The following CLPTM1 variants were observed in gnomAD, a reference collection of about 807,000 sequenced individuals.
CLPTM1 encodes putative lipid scramblase CLPTM1.
CLPTM1 carries 21 observed loss-of-function variants against 77.3 expected under a neutral mutation model. The observed-to-expected ratio is 0.27, with a 90% CI of 0.19 to 0.39. The LOEUF (loss-of-function observed/expected upper bound fraction) is 0.39. CLPTM1 is among the 10% of genes least tolerant of loss of function. CLPTM1 has a pLI of 1.00. For missense variants in CLPTM1, 642 were observed against 921.2 expected, an observed-to-expected ratio of 0.70 and a Z score of 3.92; for synonymous variants, 373 against 381.0, an observed-to-expected ratio of 0.98 and a Z score of 0.24.
rs10415096 is a variant in CLPTM1 at position 44,979,340 on chromosome 19, A to C, written c.586+1880A>C. On this transcript the variant is annotated intron_variant, in intron 5 of 13. Coordinates refer to ENST00000337392, the MANE Select transcript of CLPTM1 (RefSeq NM_001294.4). ...CTGTCTCCTGATGGGCAGCCGTAGA[A>C]ATCTCTTGCTGTACCTGTTTGAGCG... Among the ~76,000 whole-genome samples, 1,047 of 152,052 alleles carry C rather than the reference A, an allele frequency of 6.9e-3. 12 individuals are homozygous for C. Among genetic ancestry groups the C allele is most frequent in the African/African-American group, 0.024 (1,002 of 41,488 alleles).
intron 1 of CLPTM1, chr19:44,955,798 T>A: frequency 3.6e-6 from 1 of 278,286 alleles, no homozygotes; most frequent in South Asian, 1.7e-4. Context: ...CTGAGGCCGT[T>A]CCTAGAGTGG....
chr19:44,954,795 CG>C, upstream of CLPTM1: 2 of 1,279,312 alleles, frequency 1.6e-6, no homozygotes, highest in South Asian at 1.6e-5. Context: ...GTTTGTTGGC[CG>C]TAAGACCCCT....
chr19:44,973,716 C>T (rs933739933), intron 3 of CLPTM1, among the ~76,000 whole-genome samples: 8 of 147,792 alleles, frequency 5.4e-5, no homozygotes, highest in Non-Finnish European at 1.2e-4. Flanking sequence ...CAAACATGGC[C>T]ATTGGGGCTT....
intron 2 of CLPTM1, among the ~76,000 whole-genome samples, chr19:44,964,336 C>T (rs1970594101): frequency 2.5e-5 from 2 of 79,640 alleles, no homozygotes; most frequent in Admixed American, 4.3e-4. Flanking sequence ...TTTGAGACAG[C>T]GTCTCACTTT....
chr19:44,991,294 C>T lies in CLPTM1; in HGVS notation c.1476C>T (p.Val492=). 6.2e-7 allele frequency: 1 copy of T among 1,614,092 alleles called. No individual in the cohort carries two copies. The highest frequency in any genetic ancestry group is 8.5e-7 in the Non-Finnish European group (1 of 1,179,974). Residue 492 remains valine (V), a synonymous_variant, in exon 12 of 14, where the codon GTC becomes GTT. Transcript: ENST00000337392. The surrounding 1 kb of genome is among the most constrained non-coding windows in gnomAD (Gnocchi z 5.4). The stretch of plus-strand genomic sequence containing the variant: ...TCCCGCTCCTGGGCTGCTATGCCGT[C>T]TACAGTCTTCTGTACCTGGAGCACA... The part of the protein sequence containing the change: ...ILFPLLGCYA[V]YSLLYLEHKG...
Position 44,992,687 on chromosome 19 carries a change from G to A in CLPTM1, c.1800G>A (p.Met600Ile), listed in dbSNP as rs1359506612. Residue 600 changes from methionine (M) to isoleucine (I), a missense_variant, in exon 14 of 14, where the codon ATG (methionine) becomes ATA (isoleucine). This residue lies in a region of CLPTM1 where 521 missense variants were observed against 800.4 expected (regional missense o/e 0.65). Transcript: ENST00000337392. The surrounding 1 kb of genome is among the most constrained non-coding windows in gnomAD (Gnocchi z 7.7). ...VDPTRVNEFG[M>I]SGEDPTAAAP... Reference sequence around the variant, plus strand: ...CCACCCGAGTCAACGAGTTTGGCATGAGTGGAGAAGACCCCACAGCTGCCG... The same window carrying A: ...CCACCCGAGTCAACGAGTTTGGCATAAGTGGAGAAGACCCCACAGCTGCCG... 2 of 1,613,716 alleles carry A rather than the reference G, an allele frequency of 1.2e-6. No homozygotes were observed. Among genetic ancestry groups the A allele is most frequent in the African/African-American group, 1.3e-5 (1 of 74,898 alleles).
At position 44,990,852 on chromosome 19, in the gene CLPTM1, G is replaced by A; in HGVS notation, c.1326G>A (p.Leu442=). The change falls in exon 11 of 14, where the codon CTG becomes CTA. Residue 442 remains leucine (L), a splice_region_variant and synonymous_variant. Transcript: ENST00000337392. The surrounding 1 kb of genome is among the most constrained non-coding windows in gnomAD (Gnocchi z 4.8). ...WKITKVMDVR[L]DREHRVAGIF... The stretch of plus-strand genomic sequence containing the variant: ...CATGGCACCCACCTCATCCACAGCT[G>A]GACCGAGAGCACAGGGTGGCAGGAA... The A allele has an allele frequency of 1.2e-6, 2 of 1,613,300 alleles. No individual in the cohort carries two copies. Among genetic ancestry groups the A allele is most frequent in the African/African-American group, 1.3e-5 (1 of 74,966 alleles).
chr19:44,973,761 G>GTTTTTTT (rs71173113), intron 3 of CLPTM1, among the ~76,000 whole-genome samples: 1,684 of 61,938 alleles, frequency 0.027, 70 homozygotes, highest in South Asian at 0.047. Context: ...GTCACAGTGG[G>GTTTTTTT]TTTTTTTTTT....
chr19:44,992,158 G>A lies in CLPTM1; in HGVS notation c.1556-75G>A. ...AGGTGTAGGAAGTGGTGAGGGGGCTGGTATGGCCAGTGCAGAGTGCACAGG... is the reference window on the plus strand; with the variant it reads ...AGGTGTAGGAAGTGGTGAGGGGGCTAGTATGGCCAGTGCAGAGTGCACAGG... On this transcript the variant is annotated intron_variant, in intron 12 of 13. Transcript: ENST00000337392. This position sits in a 1 kb window ranked among gnomAD's most constrained non-coding sequence, Gnocchi z 7.7. 6.6e-7 allele frequency: 1 copy of A among 1,505,426 alleles called. No homozygotes were observed. Among genetic ancestry groups the A allele is most frequent in the South Asian group, 1.2e-5 (1 of 85,114 alleles). The allele number at this position is 1,505,426 out of a possible 1,614,324, so 93.3% of individuals were successfully genotyped here.
intron 4 of CLPTM1, 96 bp from the exon 5 acceptor site, chr19:44,977,247 G>A (rs1970818977): frequency 1.1e-6 from 1 of 879,080 alleles, no homozygotes; most frequent in Admixed American, 1.8e-5. Flanking sequence ...AGAGTTGAGG[G>A]GGAGGAAACT....
rs572541341 is a variant in CLPTM1 at position 44,963,515 on chromosome 19, T to C, written c.185+1440T>C. On this transcript the variant is annotated intron_variant, in intron 2 of 13. Transcript: ENST00000337392. ...TAATTTTTTGTATTTTCAGTAGAGA[T>C]GGGGTTTCACCGTGTTAGCCAGGAT... Among the ~76,000 whole-genome samples the C allele has an allele frequency of 5.8e-4, 88 of 151,544 alleles. 1 individual carries two copies. In the South Asian group the frequency reaches 0.018, roughly 31 times the overall value.
At chr19:44,982,822 A>G (rs917690295) in intron 5 of CLPTM1, among the ~76,000 whole-genome samples, 1 of 152,058 alleles carries the variant, frequency 6.6e-6, no homozygotes, top group African/African-American at 2.4e-5. Flanking sequence ...CAGCAATTTG[A>G]GAGGCCGAGG....
intron 1 of CLPTM1, among the ~76,000 whole-genome samples, chr19:44,960,855 T>A (rs1234533219): frequency 1.3e-5 from 2 of 152,062 alleles, no homozygotes; most frequent in African/African-American, 4.8e-5. Flanking sequence ...ACTGTGACTG[T>A]GATAGCCCTG....
In CLPTM1 at chr19:44,964,337, G is replaced by T. The variant is rs1037482207; in HGVS notation, c.185+2262G>T. Among the ~76,000 whole-genome samples, 7 of 81,366 alleles carry T rather than the reference G, an allele frequency of 8.6e-5. No individual in the cohort carries two copies. The South Asian group carries it at 3.3e-3, about 38-fold the overall frequency. The allele number at this position is 81,366 out of a possible 152,430, so 53.4% of individuals were successfully genotyped here. On this transcript the variant is annotated intron_variant, in intron 2 of 13. Transcript: ENST00000337392. ...TTTTTTTTTTTTTTTTTGAGACAGCGTCTCACTTTGTCACCCAGGCTGGAG... is the reference window on the plus strand; with the variant it reads ...TTTTTTTTTTTTTTTTTGAGACAGCTTCTCACTTTGTCACCCAGGCTGGAG...
At position 44,977,096 on chromosome 19, in the gene CLPTM1, G is replaced by A. The variant is rs370388236; in HGVS notation, c.469-247G>A. 5.3e-4 allele frequency among the ~76,000 whole-genome samples: 81 copies of A among 152,226 alleles called. No homozygotes were observed. In the South Asian group the frequency reaches 0.016, roughly 30 times the overall value. ...GCTGTGGGAACTTCGCATCCTCTAG[G>A]TGGGGCCCTGAGGCTCAGAGAGAAG... On this transcript the variant is annotated intron_variant, in intron 4 of 13. Coordinates refer to ENST00000337392, the MANE Select transcript of CLPTM1 (RefSeq NM_001294.4).
At position 44,977,396 on chromosome 19, in the gene CLPTM1, C is replaced by A; in HGVS notation, c.522C>A (p.Gly174=). 1.2e-5 allele frequency: 20 copies of A among 1,610,384 alleles called. No individual in the cohort carries two copies. The highest frequency in any genetic ancestry group is 1.5e-5 in the Non-Finnish European group (18 of 1,179,994). The change falls in exon 5 of 14, where the codon GGC becomes GGA. Residue 174 remains glycine (G), a synonymous_variant. Coordinates refer to ENST00000337392, the MANE Select transcript of CLPTM1 (RefSeq NM_001294.4). ...IYIHVYFTKS[G]FHPDPRQKAL... Reference sequence around the variant, plus strand: ...TCCACGTTTACTTCACCAAGAGTGGCTTCCACCCAGACCCCCGGCAGAAGG... The same window carrying A: ...TCCACGTTTACTTCACCAAGAGTGGATTCCACCCAGACCCCCGGCAGAAGG...
chr19:44,958,348 C>T (rs1200402133), intron 1 of CLPTM1, among the ~76,000 whole-genome samples: 1 of 150,156 alleles, frequency 6.7e-6, no homozygotes, highest in Non-Finnish European at 1.5e-5. Context: ...AGGACTTGGC[C>T]TTTACTCTGA....
chr19:44,979,044 ATC>A (rs1241361076), intron 5 of CLPTM1, among the ~76,000 whole-genome samples: 1 of 145,826 alleles, frequency 6.9e-6, no homozygotes, highest in Non-Finnish European at 1.5e-5. Context: ...GCAGTGGACT[ATC>A]TCAGCTCACC....
At position 44,990,794 on chromosome 19, in the gene CLPTM1, G is replaced by C; in HGVS notation, c.1324-56G>C. On this transcript the variant is annotated intron_variant, in intron 10 of 13. Coordinates refer to ENST00000337392, the MANE Select transcript of CLPTM1 (RefSeq NM_001294.4). The surrounding 1 kb of genome is among the most constrained non-coding windows in gnomAD (Gnocchi z 4.8). ...TGGGGAAGGGCAGGGGCTGGTTCTGGCTTGTGGGGTGGGAGCCAGCGTAGC... is the reference window on the plus strand; with the variant it reads ...TGGGGAAGGGCAGGGGCTGGTTCTGCCTTGTGGGGTGGGAGCCAGCGTAGC... 1 of 1,482,702 alleles carries C rather than the reference G, an allele frequency of 6.7e-7. No homozygotes were observed. The highest frequency in any genetic ancestry group is 9.4e-7 in the Non-Finnish European group (1 of 1,067,250). The allele number at this position is 1,482,702 out of a possible 1,614,324, so 91.8% of individuals were successfully genotyped here.
Sources: gnomAD v4.1 joint callset for allele counts (sites outside exome capture counted in the v4.1 genomes callset) on GRCh38, gnomAD v4.1.1 for gene constraint, gnomAD v4.1.1 regional missense constraint, Gnocchi (gnomAD v3.1) non-coding constraint, MANE v1.5 for transcripts, NCBI Gene and HGNC (gene_info 2026-07-23, HGNC 2026-07-21) for gene names.